DCDC1: variants seen among roughly 807,000 people sequenced by gnomAD.
DCDC1 encodes doublecortin domain containing 1, also known as doublecortin domain-containing protein 1.
DCDC1 carries 200 observed loss-of-function variants against 178.3 expected under a neutral mutation model. The ratio of observed to expected loss-of-function variants is 1.12; its 90% CI spans 1.00 to 1.26. DCDC1 has a LOEUF of 1.26. Among genes scored for constraint, DCDC1 ranks in the 50% most tolerant of loss-of-function variants. DCDC1 has a pLI of 0.00. For missense variants in DCDC1, 1,983 were observed against 1,749.2 expected (o/e 1.13, Z -2.38); for synonymous variants, 690 against 604.8 (o/e 1.14, Z -2.07).
At chr11:30,932,247 T>G (rs1946977790) in intron 21 of DCDC1, among the ~76,000 whole-genome samples, 1 of 152,202 alleles carries the variant, frequency 6.6e-6, no homozygotes, top group Non-Finnish European at 1.5e-5. Context: ...TGGAATACTT[T>G]TGCTTACATG....
Position 31,306,376 on chromosome 11 carries a change from G to A in DCDC1, c.447C>T (p.Phe149=). Reference sequence around the variant, plus strand: ...GGGCTGACTGAAATTTTAAAGAAGAGAACTCTGCAACCCTGAAGAAAAAGA... The same window carrying A: ...GGGCTGACTGAAATTTTAAAGAAGAAAACTCTGCAACCCTGAAGAAAAAGA... ...APVGQLRVAE[F]SSLKFQSARN... The change falls in exon 5 of 39, where the codon TTC becomes TTT. Residue 149 remains phenylalanine, a synonymous_variant. Transcript: ENST00000684477. 1 of 1,606,596 alleles carries A rather than the reference G, an allele frequency of 6.2e-7. No homozygotes were observed. The highest frequency in any genetic ancestry group is 8.5e-7 in the Non-Finnish European group (1 of 1,176,966).
At chr11:31,033,384 A>G (rs1230870313) in intron 20 of DCDC1, among the ~76,000 whole-genome samples, 2 of 152,012 alleles carry the variant, frequency 1.3e-5, no homozygotes, top group African/African-American at 4.8e-5. Context: ...TTTAACATCT[A>G]TCCTAATTTC....
At chr11:31,315,264 T>A (rs1046771837) in intron 3 of DCDC1, among the ~76,000 whole-genome samples, 1 of 147,882 alleles carries the variant, frequency 6.8e-6, no homozygotes, top group East Asian at 2.1e-4. Flanking sequence ...CCCTCAGCTA[T>A]AACTACACCA....
chr11:31,185,203 G>T (rs1399647579), intron 9 of DCDC1, among the ~76,000 whole-genome samples: 1 of 152,174 alleles, frequency 6.6e-6, no homozygotes, highest in Non-Finnish European at 1.5e-5. Flanking sequence ...AGTGGGAGTT[G>T]AACAATGAGA....
At chr11:31,292,517 A>G (rs567306506) in intron 6 of DCDC1, among the ~76,000 whole-genome samples, 1 of 152,344 alleles carries the variant, frequency 6.6e-6, no homozygotes, top group Admixed American at 6.5e-5. Flanking sequence ...GACATAAAAA[A>G]GGTGACATAT....
chr11:31,212,041 C>G (rs1972598482), intron 9 of DCDC1, among the ~76,000 whole-genome samples: 1 of 150,524 alleles, frequency 6.6e-6, no homozygotes, highest in African/African-American at 2.5e-5. Flanking sequence ...CAAGATCGCG[C>G]CACTGCACTC....
intron 20 of DCDC1, among the ~76,000 whole-genome samples, chr11:31,057,262 A>AG: frequency 4.7e-5 from 6 of 127,654 alleles, no homozygotes; most frequent in African/African-American, 1.5e-4. Context: ...GAAGGAAGGA[A>AG]GGAAGGGAGG....
chr11:31,115,318 A>C (rs1374572375), intron 11 of DCDC1, among the ~76,000 whole-genome samples: 1 of 152,134 alleles, frequency 6.6e-6, no homozygotes, highest in Non-Finnish European at 1.5e-5. Context: ...CTAGCCTTTA[A>C]TGCTAGAGGT....
intron 15 of DCDC1, among the ~76,000 whole-genome samples, chr11:31,094,774 A>T (rs1958044490): frequency 6.6e-6 from 1 of 152,142 alleles, no homozygotes; most frequent in Admixed American, 6.5e-5. Context: ...GGTGGACAGC[A>T]GGGAGCCAGT....
intron 18 of DCDC1, among the ~76,000 whole-genome samples, chr11:31,072,979 C>T (rs933173047): frequency 5.3e-5 from 8 of 152,064 alleles, no homozygotes; most frequent in Non-Finnish European, 1.0e-4. Flanking sequence ...AGCAATTCTG[C>T]CTTTTTAAAA....
At chr11:30,980,874 A>G (rs1950359735) in intron 20 of DCDC1, among the ~76,000 whole-genome samples, 2 of 152,200 alleles carry the variant, frequency 1.3e-5, no homozygotes, top group East Asian at 1.9e-4. Flanking sequence ...CCAAAGGAAG[A>G]GAAATCACTA....
At chr11:31,168,269 A>G (rs1383465575) in intron 9 of DCDC1, among the ~76,000 whole-genome samples, 1 of 152,190 alleles carries the variant, frequency 6.6e-6, no homozygotes, top group African/African-American at 2.4e-5. Context: ...AAGCTGTTCA[A>G]CTGTAAAACA....
chr11:31,188,725 T>C (rs941580102), intron 9 of DCDC1, among the ~76,000 whole-genome samples: 1 of 152,218 alleles, frequency 6.6e-6, no homozygotes, highest in African/African-American at 2.4e-5. Context: ...GACTACAATG[T>C]ATTTATAGTT....
chr11:31,216,292 C>T (rs1003144547), intron 9 of DCDC1, among the ~76,000 whole-genome samples: 14 of 152,078 alleles, frequency 9.2e-5, no homozygotes, highest in South Asian at 4.1e-4. Flanking sequence ...CAGAAATTTC[C>T]TAATGCTTAC....
intron 3 of DCDC1, among the ~76,000 whole-genome samples, chr11:31,323,974 T>G (rs1214624619): frequency 6.6e-6 from 1 of 152,068 alleles, no homozygotes; most frequent in Non-Finnish European, 1.5e-5. Flanking sequence ...GTAATAAAAG[T>G]AAAAAATTCC....
At chr11:30,965,028 G>A (rs943420658) in intron 20 of DCDC1, among the ~76,000 whole-genome samples, 1 of 152,174 alleles carries the variant, frequency 6.6e-6, no homozygotes, top group East Asian at 1.9e-4. Flanking sequence ...AAACAGACAT[G>A]TGGCTTGGAG....
intron 9 of DCDC1, among the ~76,000 whole-genome samples, chr11:31,191,946 T>C (rs1330130575): frequency 6.6e-6 from 1 of 152,094 alleles, no homozygotes; most frequent in Non-Finnish European, 1.5e-5. Context: ...AACTTCATTG[T>C]ATCTCTTGGC....
intron 23 of DCDC1, among the ~76,000 whole-genome samples, chr11:30,923,136 G>A (rs1946362788): frequency 6.6e-6 from 1 of 152,068 alleles, no homozygotes; most frequent in African/African-American, 2.4e-5. Flanking sequence ...CTGGTCCCCT[G>A]CCTGTTTTTG....
chr11:31,301,639 C>T (rs895865201), intron 6 of DCDC1, among the ~76,000 whole-genome samples: 5 of 152,006 alleles, frequency 3.3e-5, no homozygotes, highest in African/African-American at 9.7e-5. Context: ...TCATTATGGA[C>T]GCAGATATGA....
Sources: gnomAD v4.1 joint callset for allele counts (sites outside exome capture counted in the v4.1 genomes callset) on GRCh38, gnomAD v4.1.1 for gene constraint, MANE v1.5 for transcripts, NCBI Gene and HGNC (gene_info 2026-07-23, HGNC 2026-07-21) for gene names.